The following HNRNPL variants were observed in gnomAD, a reference collection of about 807,000 sequenced individuals.
The protein encoded by HNRNPL is epididymis secretory sperm binding protein.
In HNRNPL, 12 loss-of-function variants were observed where a neutral mutation model predicts 64.0. The ratio of observed to expected loss-of-function variants is 0.19; its 90% CI spans 0.12 to 0.30. HNRNPL has a LOEUF of 0.30. Ranked by LOEUF, HNRNPL falls within the 10% of genes least tolerant of loss-of-function variation. The pLI is 1.00. For missense variants in HNRNPL, 484 were observed against 797.4 expected, an observed-to-expected ratio of 0.61 and a Z score of 4.73; for synonymous variants, 385 against 313.0, an observed-to-expected ratio of 1.23 and a Z score of -2.43.
chr19:38,837,586 C>T lies in HNRNPL; in HGVS notation c.1615+8G>A, dbSNP rs371547645. The T allele has an allele frequency of 2.0e-5, 33 of 1,614,134 alleles. No homozygotes were observed. In the South Asian group the frequency reaches 2.1e-4, roughly 10 times the overall value. ...ATTAGGGCAAGGAGGTGGGCACACT[C>T]GACTCACTTTTGCCTGAGAATACTT... On this transcript the variant is annotated splice_region_variant and intron_variant, in intron 11 of 12. Coordinates refer to ENST00000221419, the MANE Select transcript of HNRNPL (RefSeq NM_001533.3).
chr19:38,839,048 T>C (rs375728875), intron 8 of HNRNPL, 33 bp from the exon 9 acceptor site: 37 of 1,610,602 alleles, frequency 2.3e-5, no homozygotes, highest in Non-Finnish European at 2.5e-6. Context: ...AGCACCTCTG[T>C]CCAGCTGCCA....
At chr19:38,850,085 A>AC (rs1349126872), upstream of HNRNPL, 3 of 777,152 alleles carry the variant, frequency 3.9e-6, no homozygotes, top group East Asian at 6.7e-5. Context: ...GTAGGCCGCC[A>AC]CACGCCTTGC....
At chr19:38,839,665 T>C in intron 8 of HNRNPL, 1 of 193,230 alleles carries the variant, frequency 5.2e-6, no homozygotes. Context: ...ACGGGTTTAA[T>C]GTTAAGCAAA....
chr19:38,836,672 G>A lies in HNRNPL; in HGVS notation c.*50C>T. On this transcript the variant is annotated 3_prime_UTR_variant, in exon 13 of 13. Transcript: ENST00000221419. ...TAACAAAAACAAAAAATGGCATAAA[G>A]GAAAGAGAAATGTCTTCCTGCTCAG... 1 of 1,229,148 alleles carries A rather than the reference G, an allele frequency of 8.1e-7. No homozygotes were observed. Among genetic ancestry groups the A allele is most frequent in the Non-Finnish European group, 1.1e-6 (1 of 873,210 alleles). The allele number at this position is 1,229,148 out of a possible 1,614,324, so 76.1% of individuals were successfully genotyped here. A position where few individuals can be genotyped will look rare whatever the true frequency, so the allele number is the denominator to read the frequency against.
chr19:38,851,835 A>T (rs1972510321), upstream of HNRNPL, among the ~76,000 whole-genome samples: 1 of 152,026 alleles, frequency 6.6e-6, no homozygotes, highest in Non-Finnish European at 1.5e-5. Flanking sequence ...AAATAAAGTT[A>T]GGGGAGGGGG....
upstream of HNRNPL, chr19:38,850,248 T>C (rs1432440778): frequency 5.4e-6 from 2 of 368,692 alleles, no homozygotes; most frequent in East Asian, 4.2e-5. Context: ...TTTCTGGCGC[T>C]GCTGGCCTCC....
At chr19:38,837,969 C>T (rs1971985207) in intron 10 of HNRNPL, among the ~76,000 whole-genome samples, 1 of 152,242 alleles carries the variant, frequency 6.6e-6, no homozygotes, top group Non-Finnish European at 1.5e-5. Flanking sequence ...GCCAGATCCA[C>T]TTGAGTTCCT....
chr19:38,836,754 A>G lies in HNRNPL; in HGVS notation c.1738T>C (p.Leu580=). ...GCGTGCTGAGCAGTGGAGAAACACA[A>G]CTTCAGAGTGTAAGGGTATGGACCA... ...PNGPYPYTLK[L]CFSTAQHAS Residue 580 remains leucine, a synonymous_variant, in exon 13 of 13, where the codon TTG becomes CTG. Coordinates refer to ENST00000221419, the MANE Select transcript of HNRNPL (RefSeq NM_001533.3). 1 of 1,613,526 alleles carries G rather than the reference A, an allele frequency of 6.2e-7. No homozygotes were observed. Among genetic ancestry groups the G allele is most frequent in the Non-Finnish European group, 8.5e-7 (1 of 1,179,692 alleles).
rs570899223 is a variant in HNRNPL, at chr19:38,848,841, T to G, written c.267+859A>C. ...TCAATTAAGATGTCTTTAAAATGTG[T>G]GGGACAAGGCCAAGATTAAAACGCT... is the stretch of plus-strand genomic sequence containing the variant. On this transcript the variant is annotated intron_variant, in intron 1 of 12. Transcript: ENST00000221419. Among the ~76,000 whole-genome samples the G allele has an allele frequency of 1.6e-4, 25 of 152,274 alleles. No individual in the cohort carries two copies. The South Asian group carries it at 5.0e-3, about 30-fold the overall frequency.
In HNRNPL at chr19:38,837,377, T is replaced by C. The variant is rs531405956; in HGVS notation, c.1711+7A>G. 1.2e-6 allele frequency: 2 copies of C among 1,610,136 alleles called. No individual in the cohort carries two copies. Among genetic ancestry groups the C allele is most frequent in the African/African-American group, 1.3e-5 (1 of 75,006 alleles). The stretch of plus-strand genomic sequence containing the variant: ...GGTTGATGCCTGCAGGACACACAGA[T>C]ACTCACTTGGGTTTTTCATCTGGTA... On this transcript the variant is annotated splice_region_variant and intron_variant, in intron 12 of 12. Transcript: ENST00000221419.
rs1253134543 is a variant in HNRNPL, at chr19:38,849,812, C to T, written c.155G>A (p.Ser52Asn). 1 of 1,307,996 alleles carries T rather than the reference C, an allele frequency of 7.6e-7. No homozygotes were observed. The highest frequency in any genetic ancestry group is 1.0e-6 in the Non-Finnish European group (1 of 957,048). The allele number at this position is 1,307,996 out of a possible 1,614,324, so 81.0% of individuals were successfully genotyped here. A position where few individuals can be genotyped will look rare whatever the true frequency, so the allele number is the denominator to read the frequency against. The change falls in exon 1 of 13, where the codon AGT becomes AAT. Residue 52 changes from serine (S) to asparagine (N), a missense_variant. Around this residue, in one of 9 missense-constraint regions of HNRNPL, gnomAD observed 190 missense variants for 160.1 expected, o/e 1.19. Transcript: ENST00000221419. ...CCGCTTAGGGGCCCGGCCGCCCTCA[C>T]TGCCGCCGCCGTAGTAGCGGCCACC... ...GGGGRYYGGGSEGGRAPKRLK... is the reference protein window; with the variant it reads ...GGGGRYYGGGNEGGRAPKRLK...
At chr19:38,842,740 G>GT (rs1018264311) in intron 6 of HNRNPL, among the ~76,000 whole-genome samples, 3 of 150,682 alleles carry the variant, frequency 2.0e-5, no homozygotes, top group South Asian at 2.1e-4. Flanking sequence ...ATCAGCCCTC[G>GT]TTTTTTTTTG....
At chr19:38,845,444 G>A (rs1600063913) in intron 4 of HNRNPL, 3 of 590,842 alleles carry the variant, frequency 5.1e-6, no homozygotes, top group Non-Finnish European at 9.1e-6. Flanking sequence ...CCAACACACT[G>A]CTCTCTCCCC....
chr19:38,849,368 A>C, intron 1 of HNRNPL: 6 of 243,890 alleles, frequency 2.5e-5, no homozygotes, highest in Non-Finnish European at 2.4e-5. Context: ...GCATGGAGCC[A>C]GCGAAGAAAA....
upstream of HNRNPL, among the ~76,000 whole-genome samples, chr19:38,850,580 T>A (rs1035647221): frequency 2.0e-5 from 3 of 152,142 alleles, no homozygotes; most frequent in Non-Finnish European, 4.4e-5. Context: ...TGGTGCAGTA[T>A]ACGAAACGAG....
At chr19:38,846,627 G>A (rs1341646070) in intron 2 of HNRNPL, among the ~76,000 whole-genome samples, 4 of 152,126 alleles carry the variant, frequency 2.6e-5, no homozygotes, top group Admixed American at 2.6e-4. Flanking sequence ...ATAAAAATTA[G>A]GCCGGGCGCA....
At chr19:38,846,679 C>T (rs1466882643) in intron 2 of HNRNPL, among the ~76,000 whole-genome samples, 4 of 152,086 alleles carry the variant, frequency 2.6e-5, no homozygotes, top group Admixed American at 1.3e-4. Context: ...GAGGCCGAGG[C>T]GGGCAGATCA....
Position 38,845,825 on chromosome 19 carries a change from C to T in HNRNPL, c.624+28G>A, listed in dbSNP as rs139106586. On this transcript the variant is annotated intron_variant, in intron 3 of 12. Transcript: ENST00000221419. ...ATAAGGGGAGAAAAGGAAGGGAGAC[C>T]TCACAAGAAATGCCTGCTGGCACGT... 3.8e-4 allele frequency: 607 copies of T among 1,604,860 alleles called. 1 individual carries two copies. The African/African-American group carries it at 6.9e-3, about 18-fold the overall frequency.
chr19:38,843,603 G>A lies in HNRNPL; in HGVS notation c.880+239C>T. 3 of 541,412 alleles carry A rather than the reference G, an allele frequency of 5.5e-6. No individual in the cohort carries two copies. In the South Asian group the frequency reaches 7.0e-5, roughly 13 times the overall value. The allele number at this position is 541,412 out of a possible 1,614,324, so 33.5% of individuals were successfully genotyped here. On this transcript the variant is annotated intron_variant, in intron 6 of 12. Transcript: ENST00000221419. ...TGAGGCCCTGCTCCCCGCCCATCCA[G>A]GCTTCTGCCTTGCCTCTGTATCCTG...
Sources: allele counts gnomAD v4.1 joint callset (sites outside exome capture counted in the v4.1 genomes callset), GRCh38; gene constraint gnomAD v4.1.1; regional missense constraint gnomAD v4.1.1; transcripts MANE v1.5; gene names NCBI Gene and HGNC (gene_info 2026-07-23, HGNC 2026-07-21).